Variants in NIPBL observed in about 807,000 individuals in gnomAD.
NIPBL encodes the protein nipped-B-like protein.
A neutral mutation model predicts 321.8 loss-of-function variants in NIPBL; 19 were observed. The observed-to-expected ratio is 0.06, with a 90% CI of 0.04 to 0.09. The LOEUF is 0.09. NIPBL is among the 10% of genes least tolerant of loss of function. The pLI is 1.00. For synonymous variants in NIPBL, 1,106 were observed against 1,114.1 expected, an observed-to-expected ratio of 0.99 and a Z score of 0.14; for missense variants, 2,210 against 3,327.0, an observed-to-expected ratio of 0.66 and a Z score of 8.26.
At position 37,020,533 on chromosome 5, in the gene NIPBL, A is replaced by G. The variant is rs545623030; in HGVS notation, c.5085A>G (p.Gln1695=). 1.2e-6 allele frequency: 2 copies of G among 1,613,922 alleles called. No individual in the cohort carries two copies. The highest frequency in any genetic ancestry group is 2.2e-5 in the East Asian group (1 of 44,852). The stretch of plus-strand genomic sequence containing the variant: ...AAACAGAAAAAGCAATGAAATCACA[A>G]AAAGATGAAGAATCATCTGAAGGAA... ...TLETEKAMKS[Q]KDEESSEGTH... is the part of the protein sequence containing the mutation. Residue 1695 remains glutamine (Q), a synonymous_variant, in exon 26 of 47, where the codon CAA becomes CAG. Coordinates refer to ENST00000282516, the MANE Select transcript of NIPBL (RefSeq NM_133433.4).
chr5:37,059,446 G>A (rs1367022995), intron 44 of NIPBL, among the ~76,000 whole-genome samples: 1 of 152,206 alleles, frequency 6.6e-6, no homozygotes, highest in African/African-American at 2.4e-5. Context: ...GGCGGAGATT[G>A]CAGTGAGCTG....
chr5:36,891,780 G>A (rs978117256), intron 1 of NIPBL, among the ~76,000 whole-genome samples: 1 of 152,158 alleles, frequency 6.6e-6, no homozygotes, highest in African/African-American at 2.4e-5. Flanking sequence ...CAGGAAAAGG[G>A]AGGCTCAGGA....
At chr5:36,960,772 A>T (rs555421167) in intron 4 of NIPBL, among the ~76,000 whole-genome samples, 1 of 152,164 alleles carries the variant, frequency 6.6e-6, no homozygotes, top group East Asian at 1.9e-4. Flanking sequence ...AAATAAGTGA[A>T]TTTTTCTGTG....
intron 6 of NIPBL, among the ~76,000 whole-genome samples, chr5:36,968,458 A>G (rs1742484344): frequency 6.6e-6 from 1 of 151,768 alleles, no homozygotes; most frequent in East Asian, 2.0e-4. Flanking sequence ...AGTCCCAGCT[A>G]CTCCGAAGGC....
intron 1 of NIPBL, among the ~76,000 whole-genome samples, chr5:36,899,927 A>G (rs1265716540): frequency 6.6e-6 from 1 of 152,214 alleles, no homozygotes; most frequent in Non-Finnish European, 1.5e-5. Context: ...AGAATCTAGA[A>G]GGAGTTAAAC....
At chr5:37,045,673 C>G in intron 37 of NIPBL, 76 bp downstream of exon 37, 2 of 1,458,498 alleles carry the variant, frequency 1.4e-6, no homozygotes, top group Non-Finnish European at 1.9e-6. Context: ...ACAGTAGTGA[C>G]CCAGGATGAA....
intron 11 of NIPBL, chr5:36,997,096 A>G (rs539593230): frequency 6.6e-6 from 1 of 152,256 alleles, no homozygotes; most frequent in Non-Finnish European, 1.5e-5. Context: ...TTTTATTACA[A>G]TCAGATATTT....
chr5:36,931,492 A>G (rs1034866593), intron 1 of NIPBL, among the ~76,000 whole-genome samples: 1 of 151,430 alleles, frequency 6.6e-6, no homozygotes, highest in Non-Finnish European at 1.5e-5. Flanking sequence ...TAATTTTTGT[A>G]TTTTCTATAG....
rs991325432 is a variant in NIPBL at position 37,048,757 on chromosome 5, T to G, written c.6763+82T>G. ...TCTTCTTTAATCTAAATATCTAAATTTCCTTATTTGTTAGATGAAGAAATT... is the reference window on the plus strand; with the variant it reads ...TCTTCTTTAATCTAAATATCTAAATGTCCTTATTTGTTAGATGAAGAAATT... On this transcript the variant is annotated intron_variant, in intron 39 of 46. Transcript: ENST00000282516. 2.4e-5 allele frequency: 28 copies of G among 1,177,172 alleles called. No individual in the cohort carries two copies. In the African/African-American group the frequency reaches 3.1e-4, roughly 13 times the overall value. 72.9% of individuals were successfully genotyped at this position (1,177,172 alleles called of 1,614,324 possible).
chr5:36,922,741 T>G (rs1042126811), intron 1 of NIPBL, among the ~76,000 whole-genome samples: 3 of 152,200 alleles, frequency 2.0e-5, no homozygotes, highest in Non-Finnish European at 4.4e-5. Context: ...GTTAGGGTTG[T>G]TATGCCTAAA....
Position 36,995,474 on chromosome 5 carries a change from G to A in NIPBL, c.3122-148G>A, listed in dbSNP as rs159754. ...ATATATTAACTATATTGTCACTTTA[G>A]GGTTAAGAGTATTATAGTTGTGTTT... is the stretch of plus-strand genomic sequence containing the variant. On this transcript the variant is annotated intron_variant, in intron 10 of 46. Transcript: ENST00000282516. The A allele has an allele frequency of 0.014, 8,679 of 611,804 alleles. 588 individuals carry two copies. In the African/African-American group the frequency reaches 0.14, roughly 10 times the overall value. 37.9% of individuals were successfully genotyped at this position (611,804 alleles called of 1,614,324 possible).
At chr5:37,033,634 A>T (rs1751321557) in intron 32 of NIPBL, among the ~76,000 whole-genome samples, 1 of 148,804 alleles carries the variant, frequency 6.7e-6, no homozygotes, top group Non-Finnish European at 1.5e-5. Context: ...AAACTTTTAG[A>T]AAATATAGGA....
intron 6 of NIPBL, among the ~76,000 whole-genome samples, chr5:36,967,257 A>G (rs1160976154): frequency 1.3e-5 from 2 of 152,142 alleles, no homozygotes; most frequent in Non-Finnish European, 2.9e-5. Flanking sequence ...AAAATTTTAT[A>G]TCAGATTGAT....
chr5:36,971,520 T>C (rs150810322), intron 7 of NIPBL, among the ~76,000 whole-genome samples: 83 of 152,268 alleles, frequency 5.5e-4, no homozygotes, highest in African/African-American at 1.9e-3. Context: ...AAATTTAATA[T>C]TGCCTTGATG....
chr5:36,976,103 A>T lies in NIPBL; in HGVS notation c.1196A>T (p.Gln399Leu), dbSNP rs1347148582. The change falls in exon 9 of 47, where the codon CAG becomes CTG. Residue 399 changes from glutamine (Q) to leucine (L), a missense_variant. Coordinates refer to ENST00000282516, the MANE Select transcript of NIPBL (RefSeq NM_133433.4). Reference sequence around the variant, plus strand: ...CCTTTTAATGTGCAGTACCCAGGACAGACTTCAAAAACACCCATTACTCCA... The same window carrying T: ...CCTTTTAATGTGCAGTACCCAGGACTGACTTCAAAAACACCCATTACTCCA... Reference protein sequence around the residue: ...DIPFNVQYPGQTSKTPITPQD... With the variant: ...DIPFNVQYPGLTSKTPITPQD... 11 of 1,613,890 alleles carry T rather than the reference A, an allele frequency of 6.8e-6. No homozygotes were observed. Among genetic ancestry groups the T allele is most frequent in the Non-Finnish European group, 9.3e-6 (11 of 1,179,914 alleles).
intron 1 of NIPBL, among the ~76,000 whole-genome samples, chr5:36,884,735 T>C (rs1038186412): frequency 6.6e-6 from 1 of 152,220 alleles, no homozygotes. Context: ...CTTAAAGGTA[T>C]GTTTTTAAAT....
chr5:37,051,464 A>C (rs1199710051), intron 40 of NIPBL: 1 of 328,338 alleles, frequency 3.0e-6, no homozygotes, highest in Non-Finnish European at 5.5e-6. Context: ...TGGATTATAC[A>C]TTTGTAGTCT....
intron 15 of NIPBL, 78 bp downstream of exon 15, chr5:37,002,843 A>T (rs939056291): frequency 5.8e-6 from 5 of 859,270 alleles, no homozygotes; most frequent in Non-Finnish European, 7.5e-6. Context: ...AGGGTAAATT[A>T]TAAAATTTAT....
At chr5:37,033,091 T>G (rs1250058651) in intron 32 of NIPBL, among the ~76,000 whole-genome samples, 1 of 152,162 alleles carries the variant, frequency 6.6e-6, no homozygotes, top group African/African-American at 2.4e-5. Context: ...GAAAAACTTT[T>G]GATAAAATTC....
Sources: gnomAD v4.1 joint callset for allele counts (sites outside exome capture counted in the v4.1 genomes callset) on GRCh38, gnomAD v4.1.1 for gene constraint, MANE v1.5 for transcripts, NCBI Gene and HGNC (gene_info 2026-07-23, HGNC 2026-07-21) for gene names.